The following LDLRAD4 variants were observed in gnomAD, a reference collection of about 807,000 sequenced individuals.
LDLRAD4 encodes low density lipoprotein receptor class A domain containing 4.
Under a neutral mutation model 17.0 loss-of-function variants are expected in LDLRAD4, and 5 were observed. The ratio of observed to expected loss-of-function variants is 0.29; its 90% CI spans 0.15 to 0.62. The LOEUF (loss-of-function observed/expected upper bound fraction) is 0.62, where lower values mean the gene tolerates loss of function less well. Among genes scored for constraint, LDLRAD4 ranks in the 20% least tolerant of loss-of-function variants. The pLI, the probability that LDLRAD4 is intolerant of heterozygous loss-of-function variation, is 0.84. For synonymous variants in LDLRAD4, 168 were observed against 171.8 expected, an observed-to-expected ratio of 0.98 and a Z score of 0.17; for missense variants, 340 against 424.7, an observed-to-expected ratio of 0.80 and a Z score of 1.75.
intron 1 of LDLRAD4, among the ~76,000 whole-genome samples, chr18:13,355,147 C>T (rs1316414741): frequency 2.0e-5 from 3 of 152,190 alleles, no homozygotes; most frequent in Non-Finnish European, 4.4e-5. Context: ...TCAGATGAGG[C>T]GCGTGCTCCT....
intron 1 of LDLRAD4, among the ~76,000 whole-genome samples, chr18:13,344,798 T>C (rs954488306): frequency 6.6e-6 from 1 of 152,226 alleles, no homozygotes; most frequent in Non-Finnish European, 1.5e-5. Context: ...GTCCTTCACA[T>C]CCCTTTTAAG....
rs933916515 is a variant in LDLRAD4 at position 13,300,487 on chromosome 18, C to T, written c.-383+22299C>T. On this transcript the variant is annotated intron_variant, in intron 1 of 5. Coordinates refer to ENST00000359446, the Ensembl canonical transcript of LDLRAD4. The surrounding 1 kb of genome is among the most constrained non-coding windows in gnomAD (Gnocchi z 4.2). ...CAAGGGAGGCCTGCAATAAGGCACC[C>T]GGTGCCAGCATGGAGCCCCATTGTC... is the stretch of plus-strand genomic sequence containing the variant. Among the ~76,000 whole-genome samples, 3 of 152,192 alleles carry T rather than the reference C, an allele frequency of 2.0e-5. No homozygotes were observed. The highest frequency in any genetic ancestry group is 7.2e-5 in the African/African-American group (3 of 41,442).
chr18:13,263,727 A>G (rs1299358520), intron 1 of LDLRAD4, among the ~76,000 whole-genome samples: 1 of 152,208 alleles, frequency 6.6e-6, no homozygotes, highest in African/African-American at 2.4e-5. Flanking sequence ...ATAAGAATCA[A>G]TCATGTTCCG....
chr18:13,509,297 A>C (rs1175002568), intron 3 of LDLRAD4, among the ~76,000 whole-genome samples: 1 of 152,230 alleles, frequency 6.6e-6, no homozygotes, highest in Non-Finnish European at 1.5e-5. Flanking sequence ...CTTGACAACA[A>C]AGCAAAACCC....
intron 3 of LDLRAD4, chr18:13,465,108 G>C (rs79715072): frequency 0.078 from 11,930 of 152,274 alleles, 620 homozygotes; most frequent in East Asian, 0.13. Flanking sequence ...CTCCATCGCT[G>C]TTAGTAAGTA....
chr18:13,592,077 C>G (rs1048375605), intron 3 of LDLRAD4, among the ~76,000 whole-genome samples: 3 of 152,192 alleles, frequency 2.0e-5, no homozygotes, highest in Non-Finnish European at 2.9e-5. Flanking sequence ...AACCTTCGAC[C>G]TTGAAAGATC....
At chr18:13,639,312 C>G (rs965470317) in intron 4 of LDLRAD4, among the ~76,000 whole-genome samples, 6 of 152,170 alleles carry the variant, frequency 3.9e-5, no homozygotes, top group Non-Finnish European at 5.9e-5. Context: ...GACCCCCAAC[C>G]TAGACAAGGG....
chr18:13,520,383 A>G (rs2093934777), intron 3 of LDLRAD4: 1 of 152,180 alleles, frequency 6.6e-6, no homozygotes, highest in Non-Finnish European at 1.5e-5. Flanking sequence ...TGTACTTTAC[A>G]TATCTTTAGT....
At chr18:13,261,477 A>C (rs1266159641) in intron 1 of LDLRAD4, among the ~76,000 whole-genome samples, 1 of 152,170 alleles carries the variant, frequency 6.6e-6, no homozygotes, top group Non-Finnish European at 1.5e-5. Context: ...CAGAAATCCC[A>C]GTTTAGTTCA....
intron 2 of LDLRAD4, among the ~76,000 whole-genome samples, chr18:13,403,319 A>G (rs1157475535): frequency 2.6e-5 from 4 of 152,234 alleles, no homozygotes; most frequent in Admixed American, 6.5e-5. Flanking sequence ...TTTGTGGTGA[A>G]TAAAATAAAA....
intron 3 of LDLRAD4, among the ~76,000 whole-genome samples, chr18:13,620,367 G>A (rs1478277441): frequency 6.6e-6 from 1 of 152,152 alleles, no homozygotes; most frequent in African/African-American, 2.4e-5. Context: ...ATCACTGCAC[G>A]GTCAGTCACT....
intron 1 of LDLRAD4, among the ~76,000 whole-genome samples, chr18:13,269,681 TTG>T (rs1383639155): frequency 6.6e-6 from 1 of 152,180 alleles, no homozygotes; most frequent in East Asian, 1.9e-4. Context: ...GTGCTCACAC[TTG>T]GAGTCAGTCT....
chr18:13,427,081 G>A (rs1325419859), intron 2 of LDLRAD4, among the ~76,000 whole-genome samples: 1 of 152,208 alleles, frequency 6.6e-6, no homozygotes. Flanking sequence ...AGCTACTCGG[G>A]AGGCTGAGGC....
chr18:13,475,427 A>ATTTTTTTTT (rs35255496), intron 3 of LDLRAD4, among the ~76,000 whole-genome samples: 1 of 131,162 alleles, frequency 7.6e-6, no homozygotes, highest in Non-Finnish European at 1.6e-5. Context: ...CACCCCGCTG[A>ATTTTTTTTT]TTTTTTTTTT....
intron 1 of LDLRAD4, among the ~76,000 whole-genome samples, chr18:13,297,063 G>A (rs950408217): frequency 3.3e-5 from 5 of 152,190 alleles, no homozygotes; most frequent in Admixed American, 1.3e-4. Context: ...TCATGAGAGC[G>A]CCTGGCCTTT....
chr18:13,587,944 G>A (rs2094956450), intron 3 of LDLRAD4, among the ~76,000 whole-genome samples: 1 of 152,156 alleles, frequency 6.6e-6, no homozygotes, highest in African/African-American at 2.4e-5. Context: ...TTGGATGGCT[G>A]TTTCTCTACA....
intron 3 of LDLRAD4, among the ~76,000 whole-genome samples, chr18:13,497,847 G>A (rs58833847): frequency 0.082 from 12,405 of 151,934 alleles, 546 homozygotes; most frequent in East Asian, 0.22. Flanking sequence ...CACACGTCCC[G>A]CCGTGGACAC....
chr18:13,517,048 G>T (rs931576829), intron 3 of LDLRAD4, among the ~76,000 whole-genome samples: 3 of 152,128 alleles, frequency 2.0e-5, no homozygotes, highest in African/African-American at 7.2e-5. Flanking sequence ...ACAGAGTCTG[G>T]CTGTGTTGCC....
intron 3 of LDLRAD4, among the ~76,000 whole-genome samples, chr18:13,524,383 T>G (rs560332587): frequency 6.6e-6 from 1 of 151,280 alleles, no homozygotes; most frequent in Admixed American, 6.5e-5. Context: ...AAAATGCAGG[T>G]TTTTTATGCT....
Sources: allele counts gnomAD v4.1 joint callset (sites outside exome capture counted in the v4.1 genomes callset), GRCh38; gene constraint gnomAD v4.1.1; non-coding constraint Gnocchi (gnomAD v3.1); transcripts MANE v1.5; gene names NCBI Gene and HGNC (gene_info 2026-07-23, HGNC 2026-07-21).